CPM: variants seen among roughly 807,000 people sequenced by gnomAD.
CPM encodes carboxypeptidase M, also known as renal carboxypeptidase.
A neutral mutation model predicts 46.4 loss-of-function variants in CPM; 35 were observed. That is an observed-to-expected ratio of 0.75 (90% CI 0.58 to 1.00). The LOEUF is 1.00. Ranked by LOEUF, CPM falls within the 50% of genes least tolerant of loss-of-function variation. The probability of loss-of-function intolerance (pLI) is 0.00; values close to 1 mark genes in which losing one functional copy is unlikely to be tolerated. For synonymous variants in CPM, 195 were observed against 195.3 expected, an observed-to-expected ratio of 1.00 and a Z score of 0.01; for missense variants, 422 against 530.4, an observed-to-expected ratio of 0.80 and a Z score of 2.01.
At chr12:68,860,021 T>C (rs1885139488) in intron 7 of CPM, among the ~76,000 whole-genome samples, 1 of 152,202 alleles carries the variant, frequency 6.6e-6, no homozygotes, top group Non-Finnish European at 1.5e-5. Flanking sequence ...TCAATAATTA[T>C]TTATTAGGGC....
chr12:68,942,458 C>A (rs961992872), intron 1 of CPM, among the ~76,000 whole-genome samples: 2 of 152,224 alleles, frequency 1.3e-5, no homozygotes, highest in Admixed American at 6.5e-5. Context: ...TAAAATCATG[C>A]ACCGTTATCA....
intron 2 of CPM, among the ~76,000 whole-genome samples, chr12:68,904,186 G>T (rs886804250): frequency 2.0e-5 from 3 of 152,174 alleles, no homozygotes; most frequent in African/African-American, 7.2e-5. Flanking sequence ...GGCAAGTCAG[G>T]TCTCTTGAAA....
intron 2 of CPM, among the ~76,000 whole-genome samples, chr12:68,900,959 C>T (rs1173049342): frequency 6.6e-6 from 1 of 152,100 alleles, no homozygotes. Context: ...TACATTTGTC[C>T]AAACCCCTAC....
At chr12:68,929,876 C>T (rs903134413) in intron 2 of CPM, among the ~76,000 whole-genome samples, 6 of 151,956 alleles carry the variant, frequency 3.9e-5, no homozygotes, top group African/African-American at 1.5e-4. Context: ...AAAAAACAAG[C>T]AGAATATAAT....
chr12:68,891,132 T>C (rs907547269), intron 2 of CPM, among the ~76,000 whole-genome samples: 1 of 152,232 alleles, frequency 6.6e-6, no homozygotes, highest in African/African-American at 2.4e-5. Context: ...GTAGTGTGAG[T>C]TCCTTTTATC....
intron 6 of CPM, 116 bp downstream of exon 6, chr12:68,869,209 G>A (rs1885584025): frequency 1.3e-6 from 1 of 793,758 alleles, no homozygotes; most frequent in Admixed American, 2.8e-5. Context: ...GATAAGGACA[G>A]AGTGAAGGGC....
intron 7 of CPM, among the ~76,000 whole-genome samples, chr12:68,863,659 C>T (rs1885307556): frequency 6.6e-6 from 1 of 152,148 alleles, no homozygotes. Context: ...AGATTGCAAA[C>T]ATCGCCAGAT....
intron 2 of CPM, among the ~76,000 whole-genome samples, chr12:68,925,975 A>G (rs1420370294): frequency 6.6e-6 from 1 of 152,142 alleles, no homozygotes; most frequent in African/African-American, 2.4e-5. Context: ...CAGTGGCACA[A>G]TTACAATCTT....
intron 3 of CPM, among the ~76,000 whole-genome samples, chr12:68,884,331 C>T (rs565806309): frequency 1.3e-5 from 2 of 152,176 alleles, no homozygotes; most frequent in East Asian, 1.9e-4. Flanking sequence ...TTGCACCCAC[C>T]CCAAAATCGG....
rs185339953 is a variant in CPM, at chr12:68,862,304, G to A, written c.941-3233C>T. Reference sequence around the variant, plus strand: ...GGCTGGAGTGCAGTGGCACCAGTTCGGCTCACTGCAACTTTCATCTCCCGG... The same window carrying A: ...GGCTGGAGTGCAGTGGCACCAGTTCAGCTCACTGCAACTTTCATCTCCCGG... On this transcript the variant is annotated intron_variant, in intron 7 of 8. Transcript: ENST00000551568. Among the ~76,000 whole-genome samples the A allele has an allele frequency of 3.3e-4, 46 of 138,442 alleles. 6 individuals carry two copies. Among genetic ancestry groups the A allele is most frequent in the Non-Finnish European group, 3.1e-5 (2 of 63,704 alleles). 90.8% of individuals were successfully genotyped at this position (138,442 alleles called of 152,430 possible).
intron 1 of CPM, among the ~76,000 whole-genome samples, chr12:68,939,969 G>T (rs750492505): frequency 2.8e-4 from 43 of 151,616 alleles, no homozygotes; most frequent in Non-Finnish European, 3.7e-4. Flanking sequence ...AATAGCTTTT[G>T]CTCATTTTTC....
intron 1 of CPM, among the ~76,000 whole-genome samples, chr12:68,941,972 A>G (rs1409616279): frequency 6.6e-6 from 1 of 152,252 alleles, no homozygotes; most frequent in Non-Finnish European, 1.5e-5. Context: ...TTAAGGTCCA[A>G]GATGATCCTT....
intron 2 of CPM, among the ~76,000 whole-genome samples, chr12:68,909,864 A>G (rs1202022589): frequency 6.6e-6 from 1 of 151,826 alleles, no homozygotes; most frequent in Non-Finnish European, 1.5e-5. Context: ...GAGGGATAAC[A>G]TTAGGAGAAA....
chr12:68,957,907 G>T (rs1359558562), intron 1 of CPM, among the ~76,000 whole-genome samples: 5 of 129,922 alleles, frequency 3.8e-5, no homozygotes, highest in Non-Finnish European at 7.7e-5. Context: ...TGTTCTCATT[G>T]TTCAGTTCCC....
intron 3 of CPM, among the ~76,000 whole-genome samples, chr12:68,876,592 C>T (rs973193980): frequency 6.6e-6 from 1 of 152,184 alleles, no homozygotes; most frequent in African/African-American, 2.4e-5. Context: ...CCTGTGAGAG[C>T]ACAGACTTCA....
intron 5 of CPM, chr12:68,842,556 C>T (rs1046628148): frequency 1.2e-5 from 4 of 345,472 alleles, no homozygotes; most frequent in Admixed American, 3.9e-5. Context: ...GATGTTTGAT[C>T]GCATCTCATT....
rs1884224749 is a variant in CPM at position 68,845,536 on chromosome 12, TGATTGTCTTTAGA to T, written c.534-3220_534-3208del. On this transcript the variant is annotated intron_variant, in intron 5 of 5. Transcript: ENST00000551897. ...TAGTATTTTGAATGAAAACCATAGT[TGATTGTCTTTAGA>T]GAGAGGAGTGGTACTGAAACATACT... 1.6e-5 allele frequency: 3 copies of T among 190,070 alleles called. No individual in the cohort carries two copies. In the South Asian group the frequency reaches 5.8e-4, roughly 37 times the overall value. 11.8% of individuals were successfully genotyped at this position (190,070 alleles called of 1,614,324 possible).
At chr12:68,929,515 T>C (rs1888415635) in intron 2 of CPM, among the ~76,000 whole-genome samples, 1 of 152,234 alleles carries the variant, frequency 6.6e-6, no homozygotes, top group African/African-American at 2.4e-5. Flanking sequence ...TTTTCTTTAC[T>C]ATGTCACTAG....
intron 1 of CPM, among the ~76,000 whole-genome samples, chr12:68,949,818 T>C (rs1167725441): frequency 2.0e-5 from 3 of 152,196 alleles, no homozygotes; most frequent in South Asian, 2.1e-4. Context: ...GGGACTCAAA[T>C]GATGGCACCC....
Sources: allele counts gnomAD v4.1 joint callset (sites outside exome capture counted in the v4.1 genomes callset), GRCh38; gene constraint gnomAD v4.1.1; transcripts MANE v1.5; gene names NCBI Gene and HGNC (gene_info 2026-07-23, HGNC 2026-07-21).